Variants in CDH18 observed in about 807,000 individuals in gnomAD.
The protein encoded by CDH18 is cadherin-18.
A neutral mutation model predicts 67.9 loss-of-function variants in CDH18; 31 were observed. That is an observed-to-expected ratio of 0.46 (90% CI 0.34 to 0.62). The LOEUF is 0.62. Among genes scored for constraint, CDH18 ranks in the 20% least tolerant of loss-of-function variants. The pLI, the probability that CDH18 is intolerant of heterozygous loss-of-function variation, is 0.01. For missense variants in CDH18, 890 were observed against 975.5 expected, an observed-to-expected ratio of 0.91 and a Z score of 1.17; for synonymous variants, 362 against 347.2, an observed-to-expected ratio of 1.04 and a Z score of -0.48.
At chr5:19,695,265 G>A (rs2150443723) in intron 5 of CDH18, among the ~76,000 whole-genome samples, 2 of 152,212 alleles carry the variant, frequency 1.3e-5, no homozygotes, top group Middle Eastern at 6.8e-3. Flanking sequence ...TCTCCAAACT[G>A]GTGATTTGTT....
intron 3 of CDH18, among the ~76,000 whole-genome samples, chr5:19,776,192 TAAAG>T (rs1774350237): frequency 6.6e-6 from 1 of 152,138 alleles, no homozygotes; most frequent in African/African-American, 2.4e-5. Context: ...TTTGACACAA[TAAAG>T]AAAATTAGAG....
chr5:19,941,201 G>T (rs945854659), intron 2 of CDH18, among the ~76,000 whole-genome samples: 1 of 151,998 alleles, frequency 6.6e-6, no homozygotes, highest in Non-Finnish European at 1.5e-5. Flanking sequence ...TGCGAGGAAA[G>T]AGTGAGAAGT....
intron 8 of CDH18, among the ~76,000 whole-genome samples, chr5:19,570,335 T>A (rs1741175824): frequency 6.6e-6 from 1 of 152,180 alleles, no homozygotes; most frequent in Non-Finnish European, 1.5e-5. Flanking sequence ...TCAAGCATTA[T>A]CTAGCTCTTG....
chr5:20,371,191 G>T (rs891004516), intron 1 of CDH18, among the ~76,000 whole-genome samples: 6 of 151,910 alleles, frequency 3.9e-5, no homozygotes, highest in African/African-American at 1.2e-4. Context: ...GGAGGGGGAG[G>T]GTTGGTGAGG....
At chr5:20,284,839 A>C (rs969992862) in intron 1 of CDH18, among the ~76,000 whole-genome samples, 8 of 151,888 alleles carry the variant, frequency 5.3e-5, no homozygotes, top group Non-Finnish European at 7.4e-5. Context: ...ATTTGGGACC[A>C]ATGTATTTAG....
intron 2 of CDH18, among the ~76,000 whole-genome samples, chr5:20,133,153 A>G (rs1749411657): frequency 6.6e-6 from 1 of 152,108 alleles, no homozygotes; most frequent in African/African-American, 2.4e-5. Context: ...CTTATCATTC[A>G]TTTTTGAATG....
intron 5 of CDH18, among the ~76,000 whole-genome samples, chr5:19,697,624 C>T (rs942378846): frequency 7.2e-5 from 11 of 152,056 alleles, no homozygotes; most frequent in Non-Finnish European, 2.9e-5. Context: ...ATTGAATACT[C>T]CTGATAAAAG....
rs117945419 is a variant in CDH18, at chr5:20,336,254, A to T, written c.-579-80749T>A. The stretch of plus-strand genomic sequence containing the variant: ...TCATCTCCCCTTTTCCCCCAACAGC[A>T]GTTAGGATCACCACTCCAGAGGGGG... On this transcript the variant is annotated intron_variant, in intron 1 of 14. Coordinates refer to the CDH18 transcript ENST00000507958. Among the ~76,000 whole-genome samples, 60 of 152,080 alleles carry T rather than the reference A, an allele frequency of 3.9e-4. 1 individual carries two copies. The East Asian group carries it at 0.012, about 30-fold the overall frequency.
chr5:19,906,152 G>C (rs1035716167), intron 2 of CDH18, among the ~76,000 whole-genome samples: 17 of 151,958 alleles, frequency 1.1e-4, no homozygotes, highest in African/African-American at 1.9e-4. Flanking sequence ...CATATCTAGT[G>C]AAAGAGGTTA....
intron 8 of CDH18, among the ~76,000 whole-genome samples, chr5:19,564,986 C>G (rs1465069462): frequency 6.6e-6 from 1 of 151,714 alleles, no homozygotes; most frequent in Admixed American, 6.6e-5. Flanking sequence ...GCGGGAAGAA[C>G]TTTGTCTTGT....
At chr5:20,047,728 AT>A (rs1406809904) in intron 2 of CDH18, among the ~76,000 whole-genome samples, 1 of 151,760 alleles carries the variant, frequency 6.6e-6, no homozygotes, top group Non-Finnish European at 1.5e-5. Flanking sequence ...GAAAATAAAT[AT>A]TTACTGTCAA....
chr5:19,750,251 C>A (rs985436640), intron 3 of CDH18, among the ~76,000 whole-genome samples: 28 of 152,170 alleles, frequency 1.8e-4, no homozygotes, highest in African/African-American at 6.7e-4. Context: ...TCTCCTCCAC[C>A]AAATCTATTC....
chr5:19,923,711 A>T (rs1792760407), intron 2 of CDH18, among the ~76,000 whole-genome samples: 1 of 152,298 alleles, frequency 6.6e-6, no homozygotes, highest in Non-Finnish European at 1.5e-5. Flanking sequence ...TAATATGTAA[A>T]CAGACAGTGT....
At chr5:20,477,865 G>A (rs928241646) in intron 1 of CDH18, among the ~76,000 whole-genome samples, 1 of 152,116 alleles carries the variant, frequency 6.6e-6, no homozygotes, top group Non-Finnish European at 1.5e-5. Flanking sequence ...CTGGAGGAGA[G>A]GAGAGGACAG....
At chr5:19,660,112 G>A (rs1221415654) in intron 5 of CDH18, among the ~76,000 whole-genome samples, 4 of 152,002 alleles carry the variant, frequency 2.6e-5, no homozygotes, top group East Asian at 1.9e-4. Context: ...ACAAGAATAC[G>A]TGTATGTTCA....
At position 19,875,442 on chromosome 5, in the gene CDH18, CGAT is replaced by C. The variant is rs1561488773; in HGVS notation, c.-256-36203_-256-36201del. 9.9e-4 allele frequency among the ~76,000 whole-genome samples: 113 copies of C among 113,860 alleles called. 1 individual carries two copies. The highest frequency in any genetic ancestry group is 5.3e-3 in the Middle Eastern group (1 of 188). The allele number at this position is 113,860 out of a possible 152,430, so 74.7% of individuals were successfully genotyped here. On this transcript the variant is annotated intron_variant, in intron 2 of 12. Coordinates refer to ENST00000382275, the MANE Select transcript of CDH18 (RefSeq NM_004934.5). ...TAGATAGATAGATAGATAGATAGAT[CGAT>C]CGATCTATAGATAGATAGATGGATA... is the stretch of plus-strand genomic sequence containing the variant.
intron 3 of CDH18, among the ~76,000 whole-genome samples, chr5:19,765,019 A>AT (rs1166981933): frequency 1.3e-4 from 20 of 151,962 alleles, no homozygotes; most frequent in Admixed American, 7.9e-4. Flanking sequence ...TCTTTCTTAA[A>AT]TTTTTTTTGG....
chr5:20,535,029 C>T (rs1391384622), intron 1 of CDH18, among the ~76,000 whole-genome samples: 2 of 152,084 alleles, frequency 1.3e-5, no homozygotes, highest in Non-Finnish European at 2.9e-5. Flanking sequence ...TAGCACTTTT[C>T]TCACTTCATG....
At chr5:19,502,843 A>C in intron 11 of CDH18, 149 bp downstream of exon 11, 1 of 676,296 alleles carries the variant, frequency 1.5e-6, no homozygotes, top group South Asian at 1.6e-5. Flanking sequence ...TTTAAACACA[A>C]GCTATTCACA....
Sources: allele counts gnomAD v4.1 joint callset (sites outside exome capture counted in the v4.1 genomes callset), GRCh38; gene constraint gnomAD v4.1.1; transcripts MANE v1.5; gene names NCBI Gene and HGNC (gene_info 2026-07-23, HGNC 2026-07-21).